DMD: variants seen among roughly 807,000 people sequenced by gnomAD.
The protein encoded by DMD is dystrophin.
Under a neutral mutation model 330.1 loss-of-function variants are expected in DMD, and 63 were observed. The observed-to-expected ratio is 0.19, with a 90% CI of 0.16 to 0.24. The LOEUF is 0.24. DMD is among the 10% of genes least tolerant of loss of function. The pLI is 1.00. For missense variants in DMD, 3,344 were observed against 2,684.1 expected (o/e 1.25, Z -5.43); for synonymous variants, 1,223 against 959.8 (o/e 1.27, Z -5.07).
intron 48 of DMD, among the ~76,000 whole-genome samples, chrX:31,851,122 C>T (rs1361586521): frequency 9.0e-6 from 1 of 111,384 alleles, no homozygotes; most frequent in East Asian, 2.8e-4. Flanking sequence ...TGTTGGGTGA[C>T]TGTTCTTTTA....
chrX:32,506,075 C>A (rs2044585489), intron 18 of DMD, among the ~76,000 whole-genome samples: 1 of 111,825 alleles, frequency 8.9e-6, no homozygotes, highest in African/African-American at 3.3e-5. Flanking sequence ...TGAAATTACA[C>A]CGCATAACAC....
rs753199040 is a variant in DMD at position 31,180,358 on chromosome X, C to T, written c.10086+12G>A. 9 of 1,127,045 alleles carry T rather than the reference C, an allele frequency of 8.0e-6. No homozygotes were observed. The highest frequency in any genetic ancestry group is 2.4e-4 in the Middle Eastern group (1 of 4,181). 92.9% of individuals were successfully genotyped at this position (1,127,045 alleles called of 1,213,427 possible). A position where few individuals can be genotyped will look rare whatever the true frequency, so the allele number is the denominator to read the frequency against. On this transcript the variant is annotated intron_variant, in intron 69 of 78. Coordinates refer to ENST00000357033, the MANE Select transcript of DMD (RefSeq NM_004006.3). ...TGAACTAACTCTCACGTCAGGCTGGCGTCAAACTTACCGGAGTGCAATATT... is the reference window on the plus strand; with the variant it reads ...TGAACTAACTCTCACGTCAGGCTGGTGTCAAACTTACCGGAGTGCAATATT...
At chrX:31,834,284 T>G (rs2093141323) in intron 49 of DMD, among the ~76,000 whole-genome samples, 1 of 111,522 alleles carries the variant, frequency 9.0e-6, no homozygotes, top group Admixed American at 9.6e-5. Context: ...GTGAGGTCAT[T>G]TTTTGAGCCT....
At chrX:32,601,061 T>G (rs1312850942) in intron 12 of DMD, among the ~76,000 whole-genome samples, 4 of 111,224 alleles carry the variant, frequency 3.6e-5, no homozygotes, top group African/African-American at 1.3e-4. Context: ...TTTTTCACTC[T>G]TTTCCTCTAT....
chrX:33,290,902 C>A (rs1242392631), intron 1 of DMD, among the ~76,000 whole-genome samples: 1 of 111,266 alleles, frequency 9.0e-6, no homozygotes, highest in Non-Finnish European at 1.9e-5. Context: ...TTTCAAACAA[C>A]GGATATATTC....
At chrX:32,085,596 G>GTATATATGTGTATATATATACGTA (rs2147940505) in intron 44 of DMD, among the ~76,000 whole-genome samples, 1 of 67,855 alleles carries the variant, frequency 1.5e-5, no homozygotes, top group Admixed American at 1.7e-4. Context: ...ACACATATAT[G>GTATATATGTGTATATATATACGTA]TATATATGTG....
chrX:32,770,861 T>C (rs1295652350), intron 7 of DMD, among the ~76,000 whole-genome samples: 1 of 111,506 alleles, frequency 9.0e-6, no homozygotes, highest in Non-Finnish European at 1.9e-5. Context: ...TAGAGCAAGG[T>C]AAAGAGAGGG....
chrX:32,304,351 A>C (rs2097533397), intron 42 of DMD, among the ~76,000 whole-genome samples: 1 of 111,267 alleles, frequency 9.0e-6, no homozygotes, highest in Admixed American at 9.6e-5. Context: ...GTGCGTTCTT[A>C]AAGTACATTT....
At chrX:32,221,860 C>T (rs185826461) in intron 43 of DMD, among the ~76,000 whole-genome samples, 35 of 112,119 alleles carry the variant, frequency 3.1e-4, no homozygotes, top group African/African-American at 9.4e-4. Context: ...CATCCAGCTC[C>T]ATCAAAGTTG....
intron 7 of DMD, among the ~76,000 whole-genome samples, chrX:32,806,337 C>A (rs185580353): frequency 0.056 from 5,905 of 105,134 alleles, 398 homozygotes; most frequent in African/African-American, 0.21. Flanking sequence ...TTAAAAAAAA[C>A]AAAAAAAGAC....
chrX:31,122,158 TTGGATCAGGCTAC>T (rs1283649665), intron 78 of DMD, among the ~76,000 whole-genome samples: 1 of 111,953 alleles, frequency 8.9e-6, no homozygotes, highest in Non-Finnish European at 1.9e-5. Flanking sequence ...CAGCTTAATG[TTGGATCAGGCTAC>T]TGGTGTTTAC....
intron 50 of DMD, among the ~76,000 whole-genome samples, chrX:31,798,413 G>C (rs910414621): frequency 9.0e-6 from 1 of 110,907 alleles, no homozygotes. Flanking sequence ...GTAGCAGAGA[G>C]GAAGTTGGAG....
At chrX:33,125,531 C>T (rs73453839) in intron 1 of DMD, among the ~76,000 whole-genome samples, 6,674 of 110,783 alleles carry the variant, frequency 0.06, 483 homozygotes, top group African/African-American at 0.2. Flanking sequence ...CTAAACGTTG[C>T]GCCCCATTAG....
chrX:32,786,647 T>C (rs2075382560), intron 7 of DMD, among the ~76,000 whole-genome samples: 1 of 112,068 alleles, frequency 8.9e-6, no homozygotes, highest in Non-Finnish European at 1.9e-5. Context: ...GTGCATCCAA[T>C]TAAAAACAAA....
At chrX:32,749,758 G>A (rs1040041365) in intron 7 of DMD, among the ~76,000 whole-genome samples, 4 of 111,973 alleles carry the variant, frequency 3.6e-5, no homozygotes, top group Non-Finnish European at 7.5e-5. Context: ...CACCAAGGCA[G>A]AACTACGTAA....
At chrX:32,374,447 T>G (rs1048761615) in intron 34 of DMD, among the ~76,000 whole-genome samples, 3 of 111,952 alleles carry the variant, frequency 2.7e-5, no homozygotes, top group African/African-American at 9.7e-5. Context: ...GGCTTACATT[T>G]AAGACTTTAA....
intron 47 of DMD, among the ~76,000 whole-genome samples, chrX:31,902,195 T>A (rs182447323): frequency 3.4e-4 from 38 of 111,970 alleles, no homozygotes; most frequent in Non-Finnish European, 6.2e-4. Context: ...TAACTTCTCT[T>A]CGTTAGAGAT....
Position 31,679,413 on chromosome X carries a change from T to C in DMD, c.7834A>G (p.Thr2612Ala). 1 of 1,211,117 alleles carries C rather than the reference T, an allele frequency of 8.3e-7. No homozygotes were observed. Among genetic ancestry groups the C allele is most frequent in the Non-Finnish European group, 1.1e-6 (1 of 895,101 alleles). ...ATTTTCTTTTGGATTGCATCTACTG[T>C]ATAGGGACCCTCCTTCCATGACTCA... ...KLESWKEGPY[T>A]VDAIQKKITE... Residue 2612 changes from threonine to alanine, a missense_variant, in exon 53 of 79, where the codon ACA becomes GCA. Coordinates refer to ENST00000357033, the MANE Select transcript of DMD (RefSeq NM_004006.3).
intron 1 of DMD, among the ~76,000 whole-genome samples, chrX:33,323,192 A>C: frequency 8.9e-6 from 1 of 112,071 alleles, no homozygotes; most frequent in Non-Finnish European, 1.9e-5. Context: ...TTTCCTAATT[A>C]ATTGATTAGG....
Sources: gnomAD v4.1 joint callset for allele counts (sites outside exome capture counted in the v4.1 genomes callset) on GRCh38, gnomAD v4.1.1 for gene constraint, MANE v1.5 for transcripts, NCBI Gene and HGNC (gene_info 2026-07-23, HGNC 2026-07-21) for gene names.